Variants in ZMYM2 observed in about 807,000 individuals in gnomAD.
The protein encoded by ZMYM2 is zinc finger MYM-type protein 2.
In ZMYM2, 56 loss-of-function variants were observed where a neutral mutation model predicts 162.8. That is an observed-to-expected ratio of 0.34 (90% CI 0.28 to 0.43). The LOEUF (loss-of-function observed/expected upper bound fraction) is 0.43, where lower values mean the gene tolerates loss of function less well. Ranked by LOEUF, ZMYM2 falls within the 20% of genes least tolerant of loss-of-function variation. ZMYM2 has a pLI of 1.00. For missense variants in ZMYM2, 1,275 were observed against 1,621.8 expected (o/e 0.79, Z 3.67); for synonymous variants, 510 against 541.6 (o/e 0.94, Z 0.81).
chr13:20,077,974 C>T (rs1957630462), intron 21 of ZMYM2, among the ~76,000 whole-genome samples: 1 of 151,726 alleles, frequency 6.6e-6, no homozygotes, highest in Non-Finnish European at 1.5e-5. Context: ...CCCGCCACCA[C>T]GCCCGGCTAA....
intron 2 of ZMYM2, chr13:19,970,197 ATGTT>A (rs1956178210): frequency 3.0e-6 from 1 of 337,084 alleles, no homozygotes; most frequent in Non-Finnish European, 4.2e-6. Flanking sequence ...GAATAAATGA[ATGTT>A]TGATGATTTG....
the ZMYM2 span, among the ~76,000 whole-genome samples, chr13:19,947,422 C>T: frequency 6.6e-6 from 1 of 150,466 alleles, no homozygotes; most frequent in African/African-American, 2.4e-5. Flanking sequence ...TATTACTCCA[C>T]AGGTTATGTA....
At chr13:19,985,234 C>G (rs1566218590) in intron 2 of ZMYM2, among the ~76,000 whole-genome samples, 1 of 152,138 alleles carries the variant, frequency 6.6e-6, no homozygotes, top group Non-Finnish European at 1.5e-5. Flanking sequence ...AGCGATCCTC[C>G]CACCTCAGCC....
chr13:20,019,624 CA>C lies in ZMYM2; in HGVS notation c.1584+7del. 1 of 1,587,020 alleles carries C rather than the reference CA, an allele frequency of 6.3e-7. No individual in the cohort carries two copies. The highest frequency in any genetic ancestry group is 8.6e-7 in the Non-Finnish European group (1 of 1,165,718). ...CTTTCTTAATGCAGCCTGAGGTAAG[CA>C]GGAATGTAAATGGAGTTCAAGGCCT... is the stretch of plus-strand genomic sequence containing the variant. On this transcript the variant is annotated splice_region_variant and intron_variant, in intron 7 of 24. Coordinates refer to ENST00000610343, the MANE Select transcript of ZMYM2 (RefSeq NM_197968.4).
intron 17 of ZMYM2, among the ~76,000 whole-genome samples, chr13:20,062,000 T>A (rs979905464): frequency 6.6e-6 from 1 of 152,234 alleles, no homozygotes; most frequent in African/African-American, 2.4e-5. Context: ...ATGAGTGTGT[T>A]GTGGATGGTT....
At chr13:19,964,712 T>C (rs1955584384) in intron 2 of ZMYM2, among the ~76,000 whole-genome samples, 1 of 152,180 alleles carries the variant, frequency 6.6e-6, no homozygotes, top group African/African-American at 2.4e-5. Flanking sequence ...TTCAGAGGGT[T>C]CCAGATTTTT....
chr13:20,028,550 C>T (rs1488550322), intron 9 of ZMYM2, among the ~76,000 whole-genome samples: 1 of 152,054 alleles, frequency 6.6e-6, no homozygotes, highest in Non-Finnish European at 1.5e-5. Flanking sequence ...TACAGTTACC[C>T]CTTGATATCC....
chr13:20,006,595 T>A lies in ZMYM2; in HGVS notation c.1512+9T>A, dbSNP rs573254409. On this transcript the variant is annotated intron_variant, in intron 6 of 24. Transcript: ENST00000610343. ...TCAGTGAATACAAACAGGTAATTCA[T>A]GTTCTAATCAAAATTGGGCATTCTT... The A allele has an allele frequency of 6.2e-7, 1 of 1,612,886 alleles. No individual in the cohort carries two copies. The highest frequency in any genetic ancestry group is 2.2e-5 in the East Asian group (1 of 44,836).
chr13:19,876,706 CTTCA>C, the ZMYM2 span, among the ~76,000 whole-genome samples: 1 of 152,118 alleles, frequency 6.6e-6, no homozygotes, highest in East Asian at 1.9e-4. Flanking sequence ...ATGGTACTAA[CTTCA>C]TTCATATTGT....
rs887827743 is a variant in ZMYM2 at position 20,002,893 on chromosome 13, A to G, written c.891A>G (p.Lys297=). 4.3e-6 allele frequency: 7 copies of G among 1,614,160 alleles called. No individual in the cohort carries two copies. The highest frequency in any genetic ancestry group is 5.9e-6 in the Non-Finnish European group (7 of 1,180,014). The change falls in exon 4 of 25, where the codon AAA becomes AAG. Residue 297 remains lysine, a synonymous_variant. Transcript: ENST00000610343. ...CAGCTTCATTTCCCCGTAATCAGAAACAACCAGGGGTGGACTCTTTATCAC... is the reference window on the plus strand; with the variant it reads ...CAGCTTCATTTCCCCGTAATCAGAAGCAACCAGGGGTGGACTCTTTATCAC... ...SQSASFPRNQ[K]QPGVDSLSPV... is the part of the protein sequence containing the mutation.
the ZMYM2 span, among the ~76,000 whole-genome samples, chr13:19,937,571 C>T: frequency 6.8e-6 from 1 of 146,840 alleles, no homozygotes; most frequent in Non-Finnish European, 1.5e-5. Flanking sequence ...TCAAGTGATT[C>T]TCCTGTATTC....
the ZMYM2 span, among the ~76,000 whole-genome samples, chr13:19,874,395 T>C: frequency 3.9e-5 from 6 of 152,018 alleles, no homozygotes; most frequent in Admixed American, 2.0e-4. Flanking sequence ...AATATTTATT[T>C]ATGTATTTAT....
chr13:20,004,179 T>A (rs942928787), intron 4 of ZMYM2, among the ~76,000 whole-genome samples: 3 of 152,214 alleles, frequency 2.0e-5, no homozygotes, highest in Non-Finnish European at 4.4e-5. Flanking sequence ...GTAGTAAACT[T>A]AAATACTACA....
chr13:19,944,617 G>C, the ZMYM2 span, among the ~76,000 whole-genome samples: 7 of 152,228 alleles, frequency 4.6e-5, no homozygotes, highest in East Asian at 5.8e-4. Context: ...GAGCAGGTAG[G>C]GGGAGTCTTA....
chr13:19,917,613 A>AAT, the ZMYM2 span, among the ~76,000 whole-genome samples: 1 of 151,134 alleles, frequency 6.6e-6, no homozygotes. Flanking sequence ...AAAAAAAAAA[A>AAT]AGAAGTTAGT....
chr13:19,936,321 T>C, the ZMYM2 span, among the ~76,000 whole-genome samples: 2 of 152,218 alleles, frequency 1.3e-5, no homozygotes, highest in African/African-American at 4.8e-5. Flanking sequence ...TAAACTATTT[T>C]ACTCCTGTCT....
rs200823271 is a variant in ZMYM2, at chr13:20,061,124, A to G, written c.2811A>G (p.Leu937=). The part of the protein sequence containing the change: ...SEKIPAAIEE[L]KSKVSSDALD... ...AGATTCCTGCAGCAATTGAGGAGCT[A>G]AAAAGCAAGGTTTCTTCAGATGCTC... Residue 937 remains leucine (L), a synonymous_variant, in exon 17 of 25, where the codon CTA becomes CTG. Transcript: ENST00000610343. 292 of 1,613,198 alleles carry G rather than the reference A, an allele frequency of 1.8e-4. No individual in the cohort carries two copies. The African/African-American group carries it at 3.1e-3, about 17-fold the overall frequency.
At position 20,068,904 on chromosome 13, in the gene ZMYM2, GAATTTCATTTAGA is replaced by G. The variant is rs1263446327; in HGVS notation, c.3453+1525_3453+1537del. Among the ~76,000 whole-genome samples, 5 of 152,060 alleles carry G rather than the reference GAATTTCATTTAGA, an allele frequency of 3.3e-5. No individual in the cohort carries two copies. In the East Asian group the frequency reaches 5.8e-4, roughly 18 times the overall value. On this transcript the variant is annotated intron_variant, in intron 21 of 24. Coordinates refer to ENST00000610343, the MANE Select transcript of ZMYM2 (RefSeq NM_197968.4). ...GGGCTGTGTTTTGGGGTTATGTATG[GAATTTCATTTAGA>G]AATTTCATTTCTGGTAGAAACAAGG...
At position 20,087,229 on chromosome 13, in the gene ZMYM2, G is replaced by T; in HGVS notation, c.*1215G>T. 1 of 186,210 alleles carries T rather than the reference G, an allele frequency of 5.4e-6. No individual in the cohort carries two copies. The allele number at this position is 186,210 out of a possible 1,614,324, so 11.5% of individuals were successfully genotyped here. On this transcript the variant is annotated 3_prime_UTR_variant, in exon 25 of 25. Coordinates refer to ENST00000610343, the MANE Select transcript of ZMYM2 (RefSeq NM_197968.4). ...TCAGAGGAAATCCCATTTAATGTTA[G>T]ATTGTTTGGCTTTTGAAATTACTTC...
Sources: gnomAD v4.1 joint callset for allele counts (sites outside exome capture counted in the v4.1 genomes callset) on GRCh38, gnomAD v4.1.1 for gene constraint, MANE v1.5 for transcripts, NCBI Gene and HGNC (gene_info 2026-07-23, HGNC 2026-07-21) for gene names.